GET1: variants seen among roughly 807,000 people sequenced by gnomAD.
The protein encoded by GET1 is guided entry of tail-anchored proteins factor 1.
A neutral mutation model predicts 22.6 loss-of-function variants in GET1; 20 were observed. That is an observed-to-expected ratio of 0.89 (90% confidence interval 0.62 to 1.29). GET1 has a LOEUF of 1.29. Among genes scored for constraint, GET1 ranks in the 50% most tolerant of loss-of-function variants. GET1 has a pLI of 0.00. For synonymous variants in GET1, 92 were observed against 83.8 expected (o/e 1.10, Z -0.53); for missense variants, 209 against 219.9 (o/e 0.95, Z 0.31).
chr21:39,380,991 C>A, intron 1 of GET1: 1 of 976,284 alleles, frequency 1.0e-6, no homozygotes, highest in Middle Eastern at 5.3e-4. Context: ...TCCAAGGGAG[C>A]AACCAGGTTG....
chr21:39,417,910 T>C lies in GET1; in HGVS notation c.*23+6973T>C, dbSNP rs373625194. Reference sequence around the variant, plus strand: ...CCTCCCAAGTAGCTGGGACTACAGGTGCCCGCCACCATGCCTGGTTAATTT... The same window carrying C: ...CCTCCCAAGTAGCTGGGACTACAGGCGCCCGCCACCATGCCTGGTTAATTT... On this transcript the variant is annotated intron_variant, in intron 1 of 1. Coordinates refer to the GET1 transcript ENST00000478273. 3.3e-3 allele frequency among the ~76,000 whole-genome samples: 497 copies of C among 152,050 alleles called. 2 individuals carry two copies. The highest frequency in any genetic ancestry group is 4.8e-3 in the Non-Finnish European group (327 of 67,964).
chr21:39,416,641 T>G (rs1463208195), intron 1 of GET1, among the ~76,000 whole-genome samples: 1 of 150,850 alleles, frequency 6.6e-6, no homozygotes, highest in Non-Finnish European at 1.5e-5. Context: ...GATTTTTATT[T>G]GACTCTATCT....
intron 4 of GET1, among the ~76,000 whole-genome samples, chr21:39,396,105 A>T (rs1392983737): frequency 6.6e-6 from 1 of 152,158 alleles, no homozygotes; most frequent in African/African-American, 2.4e-5. Context: ...ATAGAAAGTG[A>T]CAAATTCGGG....
intron 2 of GET1, 137 bp from the exon 3 acceptor site, chr21:39,391,632 T>C: frequency 2.4e-6 from 2 of 847,390 alleles, no homozygotes; most frequent in Non-Finnish European, 3.6e-6. Context: ...CTATTTTATA[T>C]TTTCTAAATA....
intron 1 of GET1, among the ~76,000 whole-genome samples, chr21:39,419,872 A>C (rs981570914): frequency 1.3e-5 from 2 of 152,224 alleles, no homozygotes; most frequent in African/African-American, 4.8e-5. Context: ...AGATAGCAAA[A>C]AGCCTGACAA....
intron 1 of GET1, among the ~76,000 whole-genome samples, chr21:39,426,952 CAAAA>C (rs542286938): frequency 6.6e-6 from 1 of 152,078 alleles, no homozygotes; most frequent in Non-Finnish European, 1.5e-5. Context: ...CACATAGACA[CAAAA>C]AAATGCATAG....
downstream of GET1, among the ~76,000 whole-genome samples, chr21:39,399,514 G>A (rs901820632): frequency 6.6e-6 from 1 of 151,880 alleles, no homozygotes; most frequent in Non-Finnish European, 1.5e-5. Flanking sequence ...GCGCGATCTC[G>A]GCTCACTGCA....
Position 39,390,042 on chromosome 21 carries a change from GTT to G in GET1, c.103-637_103-636del, listed in dbSNP as rs553712185. 2.8e-3 allele frequency among the ~76,000 whole-genome samples: 360 copies of G among 130,870 alleles called. 2 individuals carry two copies. The highest frequency in any genetic ancestry group is 7.7e-3 in the African/African-American group (264 of 34,424). The allele number at this position is 130,870 out of a possible 152,430, so 85.9% of individuals were successfully genotyped here. A position where few individuals can be genotyped will look rare whatever the true frequency, so the allele number is the denominator to read the frequency against. On this transcript the variant is annotated intron_variant, in intron 1 of 4. Transcript: ENST00000649170. ...AGTTTGAATAGCAATTTGAATATGA[GTT>G]TTTTTTTTTTTTTTTTTTGTGGTCG... is the stretch of plus-strand genomic sequence containing the variant.
At chr21:39,390,407 G>A (rs1470328587) in intron 1 of GET1, among the ~76,000 whole-genome samples, 1 of 152,222 alleles carries the variant, frequency 6.6e-6, no homozygotes, top group Non-Finnish European at 1.5e-5. Context: ...TCTGCCACCC[G>A]GGGGTTGGGG....
chr21:39,389,776 A>C (rs2038172615), intron 1 of GET1, among the ~76,000 whole-genome samples: 1 of 152,100 alleles, frequency 6.6e-6, no homozygotes, highest in Non-Finnish European at 1.5e-5. Flanking sequence ...TTGGGCACTG[A>C]CATTCTGCCC....
At chr21:39,412,424 A>G (rs2040249970) in intron 1 of GET1, among the ~76,000 whole-genome samples, 1 of 152,256 alleles carries the variant, frequency 6.6e-6, no homozygotes, top group African/African-American at 2.4e-5. Flanking sequence ...TGAGGAACAA[A>G]GAAAGGGTTT....
At chr21:39,382,388 A>G (rs1431390474) in intron 1 of GET1, among the ~76,000 whole-genome samples, 1 of 152,118 alleles carries the variant, frequency 6.6e-6, no homozygotes, top group Admixed American at 6.5e-5. Context: ...CCTCTAACCG[A>G]AACTCTCGCA....
chr21:39,388,658 GGGGTAGGTGCCAGA>G (rs2038087318), intron 1 of GET1, among the ~76,000 whole-genome samples: 2 of 152,316 alleles, frequency 1.3e-5, no homozygotes, highest in South Asian at 4.1e-4. Context: ...CTGATCCCTT[GGGGTAGGTGCCAGA>G]GGCGCCACTG....
At chr21:39,399,492 T>C (rs1393781008), downstream of GET1, among the ~76,000 whole-genome samples, 2 of 152,232 alleles carry the variant, frequency 1.3e-5, no homozygotes, top group Non-Finnish European at 2.9e-5. Context: ...TCGCCCAGGC[T>C]GGAGTGCAGT....
chr21:39,399,462 TG>T (rs1187941676), downstream of GET1, among the ~76,000 whole-genome samples: 2 of 131,704 alleles, frequency 1.5e-5, no homozygotes, highest in African/African-American at 5.0e-5. Flanking sequence ...TTTTATTTTT[TG>T]AGATGGAGTT....
intron 1 of GET1, chr21:39,427,740 G>A (rs960059187): frequency 1.3e-5 from 2 of 152,518 alleles, no homozygotes; most frequent in Non-Finnish European, 2.9e-5. Flanking sequence ...AAAAGATGGT[G>A]TTTGCCAATA....
At chr21:39,409,176 T>C (rs769120484), downstream of GET1, among the ~76,000 whole-genome samples, 1 of 152,040 alleles carries the variant, frequency 6.6e-6, no homozygotes, top group Non-Finnish European at 1.5e-5. This position sits in a 1 kb window ranked among gnomAD's most constrained non-coding sequence, Gnocchi z 4.2. Context: ...TCCCCGACTC[T>C]CCTCGTGCGA....
intron 1 of GET1, among the ~76,000 whole-genome samples, chr21:39,416,156 C>T (rs377747565): frequency 5.6e-4 from 86 of 152,284 alleles, no homozygotes; most frequent in African/African-American, 2.0e-3. Context: ...TCTGAGGAGT[C>T]GTTCATACAG....
chr21:39,391,658 C>G, intron 2 of GET1, 111 bp from the exon 3 acceptor site: 2 of 1,032,564 alleles, frequency 1.9e-6, no homozygotes, highest in East Asian at 5.3e-5. Flanking sequence ...AGCGATTGTT[C>G]CATTTATAAT....
Sources: allele counts gnomAD v4.1 joint callset (sites outside exome capture counted in the v4.1 genomes callset), GRCh38; gene constraint gnomAD v4.1.1; non-coding constraint Gnocchi (gnomAD v3.1); transcripts MANE v1.5; gene names NCBI Gene and HGNC (gene_info 2026-07-23, HGNC 2026-07-21).